The following ANO10 variants were observed in gnomAD, a reference collection of about 807,000 sequenced individuals.
ANO10 encodes the protein anoctamin-10.
In ANO10, 77 loss-of-function variants were observed where a neutral mutation model predicts 74.7. The observed-to-expected ratio is 1.03, with a 90% CI of 0.86 to 1.25. The LOEUF (loss-of-function observed/expected upper bound fraction) is 1.25. ANO10 is among the 50% of genes most tolerant of loss of function. The pLI is 0.00. For missense variants in ANO10, 721 were observed against 778.1 expected (o/e 0.93, Z 0.87); for synonymous variants, 279 against 284.9 (o/e 0.98, Z 0.21).
At chr3:43,407,983 C>T (rs1209929706) in intron 12 of ANO10, among the ~76,000 whole-genome samples, 1 of 152,070 alleles carries the variant, frequency 6.6e-6, no homozygotes, top group Non-Finnish European at 1.5e-5. Context: ...AACATTGAGT[C>T]ATATTTGTAT....
At chr3:43,539,335 T>A (rs538929947) in intron 11 of ANO10, among the ~76,000 whole-genome samples, 62 of 152,308 alleles carry the variant, frequency 4.1e-4, no homozygotes, top group African/African-American at 1.5e-3. Flanking sequence ...CAACACTTGC[T>A]TTCCAACCTA....
intron 1 of ANO10, among the ~76,000 whole-genome samples, chr3:43,675,747 C>T (rs1279907800): frequency 6.6e-6 from 1 of 152,030 alleles, no homozygotes; most frequent in Non-Finnish European, 1.5e-5. Context: ...ATCAGAATGG[C>T]TAAAATAAAA....
chr3:43,670,274 A>C (rs182811153), intron 1 of ANO10, among the ~76,000 whole-genome samples: 79 of 152,020 alleles, frequency 5.2e-4, no homozygotes, highest in African/African-American at 1.8e-3. Flanking sequence ...AGGTGGGAGG[A>C]TTGCTTGCGC....
intron 11 of ANO10, among the ~76,000 whole-genome samples, chr3:43,518,439 A>C (rs1375802383): frequency 1.3e-5 from 2 of 152,120 alleles, no homozygotes; most frequent in Non-Finnish European, 2.9e-5. Flanking sequence ...TTTGTAGAGC[A>C]TGTGTGTTTG....
chr3:43,473,328 A>G (rs527773239), intron 11 of ANO10, among the ~76,000 whole-genome samples: 23 of 151,758 alleles, frequency 1.5e-4, no homozygotes, highest in African/African-American at 4.6e-4. Context: ...CGCCGTCTAC[A>G]CTCTCCTCCT....
chr3:43,485,089 G>T (rs1424723425), intron 11 of ANO10: 6 of 1,128,262 alleles, frequency 5.3e-6, no homozygotes, highest in Non-Finnish European at 7.8e-6. Context: ...CAGCCGGCCG[G>T]CGGCACTTGC....
intron 12 of ANO10, among the ~76,000 whole-genome samples, chr3:43,382,365 A>C (rs1039591996): frequency 2.6e-5 from 4 of 151,968 alleles, no homozygotes; most frequent in South Asian, 2.1e-4. Flanking sequence ...TAAAAATACA[A>C]AAAATTAGCC....
At chr3:43,454,252 T>C (rs6799735) in intron 11 of ANO10, among the ~76,000 whole-genome samples, 3 of 151,786 alleles carry the variant, frequency 2.0e-5, no homozygotes, top group East Asian at 1.9e-4. Flanking sequence ...TTGAGAGGAG[T>C]TGATGATAAG....
chr3:43,463,900 G>A (rs2075497057), intron 11 of ANO10, among the ~76,000 whole-genome samples: 1 of 152,174 alleles, frequency 6.6e-6, no homozygotes, highest in Admixed American at 6.5e-5. Context: ...TGTTGTGGGA[G>A]GGACCCGGTG....
chr3:43,434,054 T>C (rs962831452), intron 11 of ANO10, among the ~76,000 whole-genome samples: 1 of 152,164 alleles, frequency 6.6e-6, no homozygotes, highest in Non-Finnish European at 1.5e-5. Context: ...AGCAGATATC[T>C]CCTGGGAGAA....
At position 43,381,000 on chromosome 3, in the gene ANO10, A is replaced by G. The variant is rs2091945337; in HGVS notation, c.1915-14026T>C. Among the ~76,000 whole-genome samples the G allele has an allele frequency of 2.6e-5, 4 of 152,196 alleles. No individual in the cohort carries two copies. In the South Asian group the frequency reaches 8.3e-4, roughly 32 times the overall value. On this transcript the variant is annotated intron_variant, in intron 12 of 12. Transcript: ENST00000292246. ...GGGAAGCAAATACGTCCTTCTTCAC[A>G]TGGTGGCAGGAGAGAGAAGCGCCGA...
At chr3:43,665,618 T>C (rs952472741) in intron 1 of ANO10, among the ~76,000 whole-genome samples, 2 of 152,184 alleles carry the variant, frequency 1.3e-5, no homozygotes, top group African/African-American at 4.8e-5. Flanking sequence ...ACTGTTCTCT[T>C]GCCTTCCTTT....
At chr3:43,674,601 A>C (rs1422047374) in intron 1 of ANO10, among the ~76,000 whole-genome samples, 2 of 152,218 alleles carry the variant, frequency 1.3e-5, no homozygotes, top group African/African-American at 4.8e-5. Context: ...CAAATGTCAC[A>C]GTTTGGGTTC....
rs1208970674 is a variant in ANO10 at position 43,366,947 on chromosome 3, T to G, written c.1942A>C (p.Lys648Gln). 1 of 1,602,124 alleles carries G rather than the reference T, an allele frequency of 6.2e-7. No homozygotes were observed. Among genetic ancestry groups the G allele is most frequent in the South Asian group, 1.1e-5 (1 of 88,650 alleles). Residue 648 changes from lysine to glutamine, a missense_variant, in exon 13 of 13, where the codon AAG becomes CAG. Coordinates refer to ENST00000292246, the MANE Select transcript of ANO10 (RefSeq NM_018075.5). ...QQMKLVTENL[K>Q]EEPMESGKEK... is the part of the protein sequence containing the mutation. ...TTCCCGCTTTCCATTGGTTCCTCCT[T>G]CAGGTTCTCGGTCACGAGCTTCATT... is the stretch of plus-strand genomic sequence containing the variant.
chr3:43,653,712 G>A (rs4336089), intron 1 of ANO10, among the ~76,000 whole-genome samples: 6,301 of 152,104 alleles, frequency 0.041, 147 homozygotes, highest in African/African-American at 0.061. Flanking sequence ...ATAGAATACC[G>A]TCTAGCTATT....
chr3:43,424,379 T>C (rs572931899), intron 12 of ANO10: 6 of 152,374 alleles, frequency 3.9e-5, no homozygotes, highest in African/African-American at 7.2e-5. Flanking sequence ...TTAACAGTCC[T>C]TTCCTGAAAC....
intron 7 of ANO10, among the ~76,000 whole-genome samples, chr3:43,569,596 T>A (rs1402222493): frequency 4.4e-5 from 6 of 137,630 alleles, no homozygotes; most frequent in African/African-American, 1.4e-4. Context: ...CACATGATTA[T>A]CTCAATAGAT....
At chr3:43,562,786 C>T (rs1351527519) in intron 8 of ANO10, among the ~76,000 whole-genome samples, 1 of 152,062 alleles carries the variant, frequency 6.6e-6, no homozygotes, top group African/African-American at 2.4e-5. Context: ...AGACCCCTCT[C>T]TATCACCACA....
chr3:43,682,017 G>T (rs1008400493), intron 1 of ANO10, among the ~76,000 whole-genome samples: 1 of 152,152 alleles, frequency 6.6e-6, no homozygotes, highest in African/African-American at 2.4e-5. Flanking sequence ...ACAATTAAAA[G>T]AAATAGAGAA....
Sources: allele counts gnomAD v4.1 joint callset (sites outside exome capture counted in the v4.1 genomes callset), GRCh38; gene constraint gnomAD v4.1.1; transcripts MANE v1.5; gene names NCBI Gene and HGNC (gene_info 2026-07-23, HGNC 2026-07-21).